PCDHAC1: variants seen among roughly 807,000 people sequenced by gnomAD.
PCDHAC1 encodes protocadherin alpha-C1.
Under a neutral mutation model 60.0 loss-of-function variants are expected in PCDHAC1, and 42 were observed. The ratio of observed to expected loss-of-function variants is 0.70; its 90% CI spans 0.55 to 0.90. The LOEUF is 0.90. Among genes scored for constraint, PCDHAC1 ranks in the 40% least tolerant of loss-of-function variants. The pLI is 0.00. For synonymous variants in PCDHAC1, 468 were observed against 499.3 expected, an observed-to-expected ratio of 0.94 and a Z score of 0.84; for missense variants, 1,160 against 1,222.3, an observed-to-expected ratio of 0.95 and a Z score of 0.76.
In PCDHAC1 at chr5:141,010,671, A is replaced by T. The variant is rs375520397; in HGVS notation, c.*734A>T. The T allele has an allele frequency of 5.7e-4, 94 of 164,082 alleles. 1 individual carries two copies. Among genetic ancestry groups the T allele is most frequent in the Non-Finnish European group, 1.2e-3 (86 of 74,622 alleles). The allele number at this position is 164,082 out of a possible 1,614,324, so 10.2% of individuals were successfully genotyped here. A position where few individuals can be genotyped will look rare whatever the true frequency, so the allele number is the denominator to read the frequency against. On this transcript the variant is annotated 3_prime_UTR_variant, in exon 4 of 4. Transcript: ENST00000253807. Reference sequence around the variant, plus strand: ...TGTTTTAACAGAGAACCACCCTGGGAAACAGAAGCAGATCTGATGTGTTTC... The same window carrying T: ...TGTTTTAACAGAGAACCACCCTGGGTAACAGAAGCAGATCTGATGTGTTTC...
intron 1 of PCDHAC1, among the ~76,000 whole-genome samples, chr5:140,959,938 G>T (rs937975013): frequency 6.6e-6 from 1 of 152,130 alleles, no homozygotes; most frequent in Non-Finnish European, 1.5e-5. Flanking sequence ...CATTACTTAG[G>T]CAGAATATCA....
In PCDHAC1 at chr5:140,927,896, A is replaced by T; in HGVS notation, c.1004A>T (p.Asp335Val). ...KLLVEVTDVN[D>V]HAPELDFLTL... Reference sequence around the variant, plus strand: ...CTGGTGGAGGTGACTGACGTGAACGATCATGCCCCCGAACTGGACTTCCTG... The same window carrying T: ...CTGGTGGAGGTGACTGACGTGAACGTTCATGCCCCCGAACTGGACTTCCTG... The change falls in exon 1 of 4, where the codon GAT becomes GTT. Residue 335 changes from aspartate to valine, a missense_variant. Physicochemically the swap from Asp to Val is radical, Grantham distance 152. Coordinates refer to ENST00000253807, the MANE Select transcript of PCDHAC1 (RefSeq NM_018898.5). 1.2e-6 allele frequency: 2 copies of T among 1,614,200 alleles called. No individual in the cohort carries two copies. Among genetic ancestry groups the T allele is most frequent in the Non-Finnish European group, 1.7e-6 (2 of 1,180,024 alleles).
intron 1 of PCDHAC1, chr5:140,968,630 TA>T: frequency 6.2e-7 from 1 of 1,614,192 alleles, no homozygotes; most frequent in Non-Finnish European, 8.5e-7. Flanking sequence ...TTGGCTTTTT[TA>T]CCATCTAGCC....
At chr5:140,929,721 ATTTAC>A in intron 1 of PCDHAC1, 2 of 222,496 alleles carry the variant, frequency 9.0e-6, no homozygotes, top group Non-Finnish European at 9.4e-6. Context: ...AAGGTGAAAC[ATTTAC>A]TTAAACTATT....
chr5:140,950,720 T>C (rs2094512536), intron 1 of PCDHAC1, among the ~76,000 whole-genome samples: 1 of 152,106 alleles, frequency 6.6e-6, no homozygotes, highest in South Asian at 2.1e-4. Flanking sequence ...CTTATATCCT[T>C]AAATTTTTTA....
chr5:140,952,798 G>A (rs1554220633), intron 1 of PCDHAC1, among the ~76,000 whole-genome samples: 1 of 152,138 alleles, frequency 6.6e-6, no homozygotes, highest in Non-Finnish European at 1.5e-5. Flanking sequence ...TAACTGGCTC[G>A]CAGTTCTGCA....
chr5:140,995,674 A>G (rs1205485736), intron 3 of PCDHAC1, among the ~76,000 whole-genome samples: 2 of 151,994 alleles, frequency 1.3e-5, no homozygotes, highest in East Asian at 3.9e-4. Flanking sequence ...TAAATGCAGC[A>G]TTTTTTTTAA....
At chr5:141,003,771 T>G (rs1301111940) in intron 3 of PCDHAC1, among the ~76,000 whole-genome samples, 4 of 152,250 alleles carry the variant, frequency 2.6e-5, no homozygotes, top group African/African-American at 9.6e-5. Context: ...CGTATTCTGT[T>G]AAATAAACTT....
intron 1 of PCDHAC1, among the ~76,000 whole-genome samples, chr5:140,937,501 C>T (rs2091550832): frequency 6.6e-6 from 1 of 152,126 alleles, no homozygotes; most frequent in Admixed American, 6.5e-5. Context: ...CCCGTAATCC[C>T]AGCTACTCAG....
intron 1 of PCDHAC1, among the ~76,000 whole-genome samples, chr5:140,952,848 T>A (rs10476804): frequency 0.013 from 2,044 of 152,238 alleles, 38 homozygotes; most frequent in African/African-American, 0.047. Context: ...CTGCTTGTCT[T>A]CTGGGGAGGC....
At chr5:140,942,351 G>GCAGTTAA (rs1563195355) in intron 1 of PCDHAC1, among the ~76,000 whole-genome samples, 1 of 152,024 alleles carries the variant, frequency 6.6e-6, no homozygotes. Context: ...GGCGGAGGTT[G>GCAGTTAA]CAGTTAACGG....
chr5:140,961,564 T>A (rs2095622037), intron 1 of PCDHAC1, among the ~76,000 whole-genome samples: 1 of 152,208 alleles, frequency 6.6e-6, no homozygotes, highest in African/African-American at 2.4e-5. Flanking sequence ...TTTTAAATTT[T>A]GTTTTGATAA....
chr5:140,988,201 A>C (rs2097286908), intron 3 of PCDHAC1, among the ~76,000 whole-genome samples: 1 of 152,064 alleles, frequency 6.6e-6, no homozygotes, highest in Non-Finnish European at 1.5e-5. Context: ...GCATATCCTT[A>C]TTAGGAAAAA....
chr5:140,994,568 G>T (rs1240135648), intron 3 of PCDHAC1, among the ~76,000 whole-genome samples: 1 of 151,992 alleles, frequency 6.6e-6, no homozygotes, highest in Non-Finnish European at 1.5e-5. Context: ...AGCCGGGTGT[G>T]GTGGCATGCA....
intron 1 of PCDHAC1, chr5:140,968,517 C>T: frequency 6.2e-7 from 1 of 1,614,206 alleles, no homozygotes; most frequent in Non-Finnish European, 8.5e-7. Flanking sequence ...TACCCTACCT[C>T]AACCAACTCG....
chr5:140,968,370 A>T (rs1169551068), intron 1 of PCDHAC1: 1 of 1,613,428 alleles, frequency 6.2e-7, no homozygotes, highest in African/African-American at 1.3e-5. Flanking sequence ...TATGCTGTCA[A>T]CTCCTTTGAC....
rs528077853 is a variant in PCDHAC1, at chr5:140,928,453, T to G, written c.1561T>G (p.Phe521Val). Reference sequence around the variant, plus strand: ...CTTTGACTTTGAGCAGCTCAGGGGGTTTCATTTCCAAGTAGAAGGCCGGGA... The same window carrying G: ...CTTTGACTTTGAGCAGCTCAGGGGGGTTCATTTCCAAGTAGAAGGCCGGGA... ...TSFDFEQLRG[F>V]HFQVEGRDGG... Residue 521 changes from phenylalanine to valine, a missense_variant, in exon 1 of 4, where the codon TTT becomes GTT. Coordinates refer to ENST00000253807, the MANE Select transcript of PCDHAC1 (RefSeq NM_018898.5). The G allele has an allele frequency of 1.9e-6, 3 of 1,613,888 alleles. No individual in the cohort carries two copies. Among genetic ancestry groups the G allele is most frequent in the African/African-American group, 2.7e-5 (2 of 74,936 alleles).
chr5:140,988,817 C>T (rs1244038207), intron 3 of PCDHAC1: 8 of 152,028 alleles, frequency 5.3e-5, no homozygotes, highest in Admixed American at 1.3e-4. Context: ...TAACAGTAGC[C>T]CCAAACAGAG....
intron 3 of PCDHAC1, among the ~76,000 whole-genome samples, chr5:140,984,315 C>G (rs1254013417): frequency 1.3e-5 from 2 of 152,124 alleles, no homozygotes; most frequent in African/African-American, 4.8e-5. Flanking sequence ...GTGTGTATTC[C>G]TAGGCAAATG....
Sources: allele counts gnomAD v4.1 joint callset (sites outside exome capture counted in the v4.1 genomes callset), GRCh38; gene constraint gnomAD v4.1.1; transcripts MANE v1.5; gene names NCBI Gene and HGNC (gene_info 2026-07-23, HGNC 2026-07-21).